The following POLR2F variants were observed in gnomAD, a reference collection of about 807,000 sequenced individuals.
The protein encoded by POLR2F is RNA polymerase II, I and III subunit F.
A neutral mutation model predicts 22.7 loss-of-function variants in POLR2F; 12 were observed. The observed-to-expected ratio is 0.53, with a 90% CI of 0.34 to 0.86. The LOEUF (loss-of-function observed/expected upper bound fraction) is 0.86. POLR2F is among the 40% of genes least tolerant of loss of function. The pLI, the probability that POLR2F is intolerant of heterozygous loss-of-function variation, is 0.02. For synonymous variants in POLR2F, 57 were observed against 66.0 expected, an observed-to-expected ratio of 0.86 and a Z score of 0.66; for missense variants, 126 against 171.5, an observed-to-expected ratio of 0.73 and a Z score of 1.48.
intron 1 of POLR2F, among the ~76,000 whole-genome samples, chr22:38,011,062 TA>T (rs2084867738): frequency 6.6e-6 from 1 of 152,170 alleles, no homozygotes; most frequent in African/African-American, 2.4e-5. Flanking sequence ...TATTTTCTTC[TA>T]AAAGTTTTAT....
chr22:37,998,846 G>C (rs1601898509), intron 1 of POLR2F, among the ~76,000 whole-genome samples: 1 of 151,982 alleles, frequency 6.6e-6, no homozygotes, highest in African/African-American at 2.4e-5. Flanking sequence ...GAGAGGAGAG[G>C]AGAGGAGAGG....
chr22:37,973,667 G>T (rs1419140837), downstream of POLR2F: 1 of 1,613,436 alleles, frequency 6.2e-7, no homozygotes. Flanking sequence ...GCCATAATAG[G>T]GTCCTGAGGG....
chr22:37,998,202 G>A lies in POLR2F; in HGVS notation c.120+11890G>A, dbSNP rs551134638. On this transcript the variant is annotated intron_variant, in intron 1 of 2. Coordinates refer to the POLR2F transcript ENST00000333418. ...AGGGGCAGGGAATGAGGGGATGTTG[G>A]GCTTTTACTCAACGGAGCAATTTAT... 5.3e-5 allele frequency among the ~76,000 whole-genome samples: 8 copies of A among 152,316 alleles called. No individual in the cohort carries two copies. The South Asian group carries it at 8.3e-4, about 16-fold the overall frequency.
intron 2 of POLR2F, among the ~76,000 whole-genome samples, chr22:37,957,190 A>G (rs1374876087): frequency 6.6e-6 from 1 of 152,218 alleles, no homozygotes; most frequent in African/African-American, 2.4e-5. Flanking sequence ...GGAAGAGGTA[A>G]GCAGGGCTCA....
intron 2 of POLR2F, among the ~76,000 whole-genome samples, chr22:37,957,831 G>A (rs1931461311): frequency 6.6e-6 from 1 of 152,170 alleles, no homozygotes; most frequent in African/African-American, 2.4e-5. Context: ...ACTCTGCTCT[G>A]TGTGCTCTTC....
rs1414987803 is a variant in POLR2F at position 37,980,423 on chromosome 22, G to C, written c.293+13253G>C. Among the ~76,000 whole-genome samples, 1 of 152,118 alleles carries C rather than the reference G, an allele frequency of 6.6e-6. No individual in the cohort carries two copies. The highest frequency in any genetic ancestry group is 1.5e-5 in the Non-Finnish European group (1 of 68,018). On this transcript the variant is annotated intron_variant, in intron 4 of 4. Coordinates refer to the POLR2F transcript ENST00000405557. This position sits in a 1 kb window ranked among gnomAD's most constrained non-coding sequence, Gnocchi z 4.1. Reference sequence around the variant, plus strand: ...AAAGTGACAGGGGCCAGAAGAGAGAGAGGATTCCAACATCGGATTCCGCTG... The same window carrying C: ...AAAGTGACAGGGGCCAGAAGAGAGACAGGATTCCAACATCGGATTCCGCTG...
intron 1 of POLR2F, among the ~76,000 whole-genome samples, chr22:38,024,209 T>C (rs2084986444): frequency 6.6e-6 from 1 of 152,128 alleles, no homozygotes; most frequent in African/African-American, 2.4e-5. Flanking sequence ...ATTTGTTCTT[T>C]TATTTCTAGT....
chr22:38,000,264 C>T (rs967642226), intron 1 of POLR2F, among the ~76,000 whole-genome samples: 3 of 152,198 alleles, frequency 2.0e-5, no homozygotes, highest in South Asian at 2.1e-4. Context: ...GTTGTCCAGC[C>T]GGACCTTCTT....
downstream of POLR2F, chr22:38,041,266 G>T: frequency 9.0e-7 from 1 of 1,113,542 alleles, no homozygotes; most frequent in Non-Finnish European, 1.3e-6. Context: ...CAGGGGGAGG[G>T]AGGTTTCCAG....
At chr22:38,029,849 T>G (rs1474037097), downstream of POLR2F, among the ~76,000 whole-genome samples, 3 of 152,186 alleles carry the variant, frequency 2.0e-5, no homozygotes, top group African/African-American at 7.2e-5. Context: ...TTGTGGAGCC[T>G]TCGTCCACGC....
upstream of POLR2F, among the ~76,000 whole-genome samples, chr22:37,985,619 C>T (rs938007652): frequency 2.6e-5 from 4 of 152,284 alleles, no homozygotes; most frequent in South Asian, 4.1e-4. Context: ...AACCATGTGA[C>T]GTTCTGAGCT....
intron 1 of POLR2F, among the ~76,000 whole-genome samples, chr22:37,994,388 C>T (rs967988460): frequency 6.6e-6 from 1 of 152,194 alleles, no homozygotes; most frequent in African/African-American, 2.4e-5. Flanking sequence ...CACTCTGTGG[C>T]CCAGGATGGA....
At chr22:37,995,971 A>G (rs1243178841) in intron 1 of POLR2F, among the ~76,000 whole-genome samples, 1 of 152,120 alleles carries the variant, frequency 6.6e-6, no homozygotes, top group African/African-American at 2.4e-5. Flanking sequence ...ACTGCACTCT[A>G]TCCTGGGCAA....
At chr22:37,991,405 C>T (rs1419873395) in intron 1 of POLR2F, among the ~76,000 whole-genome samples, 1 of 152,166 alleles carries the variant, frequency 6.6e-6, no homozygotes, top group Non-Finnish European at 1.5e-5. Context: ...AGGTGTGAGC[C>T]ACTGCGCCTG....
At chr22:38,041,136 A>C, downstream of POLR2F, 2 of 1,612,570 alleles carry the variant, frequency 1.2e-6, no homozygotes, top group Non-Finnish European at 1.7e-6. Context: ...ACGGAAGTAC[A>C]TGGAATGCCA....
At chr22:37,958,623 C>T (rs1008814238) in intron 2 of POLR2F, among the ~76,000 whole-genome samples, 1 of 152,106 alleles carries the variant, frequency 6.6e-6, no homozygotes, top group Non-Finnish European at 1.5e-5. Flanking sequence ...TTGCATGTTG[C>T]CTCCTTCCTC....
At chr22:37,960,851 CTT>C (rs71195075) in intron 3 of POLR2F, among the ~76,000 whole-genome samples, 7 of 131,518 alleles carry the variant, frequency 5.3e-5, no homozygotes, top group Admixed American at 1.6e-4. Context: ...TTTCTTTTTT[CTT>C]TTTTTTTTTT....
Position 38,005,877 on chromosome 22 carries a change from A to G in POLR2F, c.120+19565A>G, listed in dbSNP as rs976769827. 1.4e-3 allele frequency among the ~76,000 whole-genome samples: 212 copies of G among 152,200 alleles called. 1 individual carries two copies. Among genetic ancestry groups the G allele is most frequent in the Non-Finnish European group, 9.6e-4 (65 of 68,032 alleles). On this transcript the variant is annotated intron_variant, in intron 1 of 2. Coordinates refer to the POLR2F transcript ENST00000333418. Reference sequence around the variant, plus strand: ...TCCAAGACTGTGAATCATTTTTAGTAATTGTTTTTTATTGTATGTTACAGA... The same window carrying G: ...TCCAAGACTGTGAATCATTTTTAGTGATTGTTTTTTATTGTATGTTACAGA...
chr22:37,986,107 G>A (rs1483644020), upstream of POLR2F: 7 of 1,468,862 alleles, frequency 4.8e-6, no homozygotes, highest in South Asian at 1.3e-5. The surrounding 1 kb of genome is among the most constrained non-coding windows in gnomAD (Gnocchi z 4.7). Context: ...ACAGGTGAAC[G>A]GCAATCATGT....
Sources: gnomAD v4.1 joint callset for allele counts (sites outside exome capture counted in the v4.1 genomes callset) on GRCh38, gnomAD v4.1.1 for gene constraint, Gnocchi (gnomAD v3.1) non-coding constraint, MANE v1.5 for transcripts, NCBI Gene and HGNC (gene_info 2026-07-23, HGNC 2026-07-21) for gene names.